GTF2E1: variants seen among roughly 807,000 people sequenced by gnomAD.
The protein encoded by GTF2E1 is general transcription factor IIE subunit 1.
GTF2E1 carries 14 observed loss-of-function variants against 34.9 expected under a neutral mutation model. The observed-to-expected ratio is 0.40, with a 90% CI of 0.27 to 0.63. The LOEUF is 0.63. Ranked by LOEUF, GTF2E1 falls within the 20% of genes least tolerant of loss-of-function variation. GTF2E1 has a pLI of 0.39. For synonymous variants in GTF2E1, 188 were observed against 192.9 expected, an observed-to-expected ratio of 0.97 and a Z score of 0.21; for missense variants, 469 against 557.7, an observed-to-expected ratio of 0.84 and a Z score of 1.60.
chr3:120,771,391 T>TTA (rs1709350525), intron 3 of GTF2E1, among the ~76,000 whole-genome samples: 1 of 152,212 alleles, frequency 6.6e-6, no homozygotes, highest in Admixed American at 6.5e-5. Context: ...ATAGCTGGTG[T>TTA]TACCTATGGG....
chr3:120,781,635 T>C lies in GTF2E1; in HGVS notation c.*165T>C. 1 of 611,886 alleles carries C rather than the reference T, an allele frequency of 1.6e-6. No homozygotes were observed. The highest frequency in any genetic ancestry group is 2.1e-5 in the South Asian group (1 of 47,932). The allele number at this position is 611,886 out of a possible 1,614,324, so 37.9% of individuals were successfully genotyped here. On this transcript the variant is annotated 3_prime_UTR_variant, in exon 5 of 5. Coordinates refer to ENST00000283875, the MANE Select transcript of GTF2E1 (RefSeq NM_005513.3). ...GAGTTTGACTTTTATGCCAGAAACTTTCCCAGCAAGGTAGGGTGCTGAGAA... is the reference window on the plus strand; with the variant it reads ...GAGTTTGACTTTTATGCCAGAAACTCTCCCAGCAAGGTAGGGTGCTGAGAA...
intron 2 of GTF2E1, among the ~76,000 whole-genome samples, chr3:120,756,715 C>T (rs1290952739): frequency 1.3e-5 from 2 of 152,026 alleles, no homozygotes; most frequent in African/African-American, 4.8e-5. Context: ...CGTTTGAGGT[C>T]AGTAGTTCAA....
Position 120,781,714 on chromosome 3 carries a change from T to TA in GTF2E1, c.*244_*245insA. The TA allele has an allele frequency of 1.4e-5, 5 of 367,482 alleles. No homozygotes were observed. The highest frequency in any genetic ancestry group is 9.3e-5 in the Admixed American group (2 of 21,612). 22.8% of individuals were successfully genotyped at this position (367,482 alleles called of 1,614,324 possible). A position where few individuals can be genotyped will look rare whatever the true frequency, so the allele number is the denominator to read the frequency against. On this transcript the variant is annotated 3_prime_UTR_variant, in exon 5 of 5. Coordinates refer to ENST00000283875, the MANE Select transcript of GTF2E1 (RefSeq NM_005513.3). The stretch of plus-strand genomic sequence containing the variant: ...ATTAATATTTTACTGTATTTTCTTT[T>TA]CTTTTTTTTTTTTTTTTGGAGATGA...
intron 2 of GTF2E1, among the ~76,000 whole-genome samples, chr3:120,763,564 A>G (rs1299376633): frequency 6.6e-6 from 1 of 152,198 alleles, no homozygotes; most frequent in Non-Finnish European, 1.5e-5. Flanking sequence ...TCTCACTGAA[A>G]TCCTAGGAGT....
At chr3:120,751,071 TA>T (rs1421652212) in intron 2 of GTF2E1, 71 bp downstream of exon 2, 6 of 921,896 alleles carry the variant, frequency 6.5e-6, no homozygotes, top group Non-Finnish European at 9.8e-6. Flanking sequence ...TTGATTCATC[TA>T]ATTTTTAAAC....
rs971128988 is a variant in GTF2E1, at chr3:120,783,003, A to G, written c.*1533A>G. ...TAAAGAATATATGAGCCTTGTATGG[A>G]GTGATGTTTCATTTACCTGGGTTGT... On this transcript the variant is annotated 3_prime_UTR_variant, in exon 5 of 5. Transcript: ENST00000283875. The G allele has an allele frequency of 6.6e-6, 1 of 152,130 alleles. No homozygotes were observed. The highest frequency in any genetic ancestry group is 1.5e-5 in the Non-Finnish European group (1 of 68,020). 9.4% of individuals were successfully genotyped at this position (152,130 alleles called of 1,614,324 possible).
At chr3:120,774,367 G>C (rs570963614) in intron 3 of GTF2E1, among the ~76,000 whole-genome samples, 2 of 152,220 alleles carry the variant, frequency 1.3e-5, no homozygotes, top group South Asian at 4.1e-4. Flanking sequence ...CAAGAGAAAA[G>C]AGAAAGTAAA....
intron 4 of GTF2E1, among the ~76,000 whole-genome samples, chr3:120,778,599 A>G (rs1381129700): frequency 6.6e-6 from 1 of 152,170 alleles, no homozygotes; most frequent in East Asian, 1.9e-4. Context: ...TTTCTGGACC[A>G]TCTCTAATTG....
chr3:120,755,524 T>TA (rs769036877), intron 2 of GTF2E1, among the ~76,000 whole-genome samples: 4 of 152,210 alleles, frequency 2.6e-5, no homozygotes, highest in Non-Finnish European at 4.4e-5. Context: ...TGTATATGTT[T>TA]ATGGGGTACA....
At chr3:120,769,920 G>A (rs898934003) in intron 2 of GTF2E1, among the ~76,000 whole-genome samples, 1 of 152,162 alleles carries the variant, frequency 6.6e-6, no homozygotes, top group Non-Finnish European at 1.5e-5. Flanking sequence ...CTATGTGTGA[G>A]GGGCAGTAAA....
At chr3:120,769,771 G>A (rs1709337816) in intron 2 of GTF2E1, among the ~76,000 whole-genome samples, 1 of 152,238 alleles carries the variant, frequency 6.6e-6, no homozygotes, top group African/African-American at 2.4e-5. Flanking sequence ...AGCTGTGAGT[G>A]CTGAGCCACC....
intron 2 of GTF2E1, among the ~76,000 whole-genome samples, chr3:120,756,790 G>A (rs1709213373): frequency 6.6e-6 from 1 of 152,076 alleles, no homozygotes; most frequent in Non-Finnish European, 1.5e-5. Context: ...GCTGGGCGTG[G>A]TGGAGTGCGC....
chr3:120,761,643 A>G (rs1007235645), intron 2 of GTF2E1, among the ~76,000 whole-genome samples: 1 of 152,186 alleles, frequency 6.6e-6, no homozygotes, highest in Non-Finnish European at 1.5e-5. Flanking sequence ...TTGGTTTCAA[A>G]GAACATCTTT....
At chr3:120,745,988 G>A (rs1709101584) in intron 1 of GTF2E1, among the ~76,000 whole-genome samples, 1 of 152,076 alleles carries the variant, frequency 6.6e-6, no homozygotes, top group South Asian at 2.1e-4. Flanking sequence ...TCATACCTGA[G>A]TATTTATAAC....
At chr3:120,756,838 A>G (rs1709213718) in intron 2 of GTF2E1, among the ~76,000 whole-genome samples, 1 of 152,094 alleles carries the variant, frequency 6.6e-6, no homozygotes, top group Non-Finnish European at 1.5e-5. Flanking sequence ...AGGCAGGAGA[A>G]TCCTTTGAAC....
chr3:120,754,268 T>A (rs1709189966), intron 2 of GTF2E1, among the ~76,000 whole-genome samples: 1 of 152,174 alleles, frequency 6.6e-6, no homozygotes, highest in Non-Finnish European at 1.5e-5. Context: ...ATTTTTAGTT[T>A]AAAAATTATG....
chr3:120,750,335 A>C (rs1346501899), intron 1 of GTF2E1, among the ~76,000 whole-genome samples, 188 bp from the exon 2 acceptor site: 1 of 152,172 alleles, frequency 6.6e-6, no homozygotes, highest in Non-Finnish European at 1.5e-5. Context: ...CCATTTAAGA[A>C]ATATGTAAAG....
intron 2 of GTF2E1, among the ~76,000 whole-genome samples, chr3:120,760,738 CAT>C (rs1296099814): frequency 2.6e-5 from 4 of 151,998 alleles, no homozygotes; most frequent in African/African-American, 9.7e-5. Context: ...TATTGATTTG[CAT>C]ATGTTGAACC....
chr3:120,753,438 C>G (rs1011139432), intron 2 of GTF2E1, among the ~76,000 whole-genome samples: 1 of 152,120 alleles, frequency 6.6e-6, no homozygotes, highest in African/African-American at 2.4e-5. Context: ...TATTTCTGAT[C>G]AAGTGATGGA....
Sources: allele counts gnomAD v4.1 joint callset (sites outside exome capture counted in the v4.1 genomes callset), GRCh38; gene constraint gnomAD v4.1.1; transcripts MANE v1.5; gene names NCBI Gene and HGNC (gene_info 2026-07-23, HGNC 2026-07-21).